DPP6: variants seen among roughly 807,000 people sequenced by gnomAD.
The protein encoded by DPP6 is dipeptidyl peptidase like 6, also known as A-type potassium channel modulatory protein DPP6.
A neutral mutation model predicts 122.6 loss-of-function variants in DPP6; 69 were observed. The ratio of observed to expected loss-of-function variants is 0.56; its 90% CI spans 0.46 to 0.69. The LOEUF (loss-of-function observed/expected upper bound fraction) is 0.69, where lower values mean the gene tolerates loss of function less well. DPP6 is among the 30% of genes least tolerant of loss of function. DPP6 has a pLI of 0.00. For synonymous variants in DPP6, 418 were observed against 433.1 expected, an observed-to-expected ratio of 0.97 and a Z score of 0.43; for missense variants, 928 against 1,116.9, an observed-to-expected ratio of 0.83 and a Z score of 2.41.
At chr7:154,606,071 T>C (rs982875011) in intron 5 of DPP6, among the ~76,000 whole-genome samples, 1 of 120,490 alleles carries the variant, frequency 8.3e-6, no homozygotes, top group African/African-American at 2.6e-5. Flanking sequence ...AATTTCTGTA[T>C]ATTTGAGACT....
chr7:153,773,899 A>G, the DPP6 span, among the ~76,000 whole-genome samples: 1 of 151,722 alleles, frequency 6.6e-6, no homozygotes, highest in Admixed American at 6.6e-5. Context: ...CAATAGAGAA[A>G]ATCAATTAAA....
chr7:154,128,433 G>A (rs1039103487), intron 1 of DPP6, among the ~76,000 whole-genome samples: 6 of 152,102 alleles, frequency 3.9e-5, no homozygotes, highest in African/African-American at 9.7e-5. Flanking sequence ...ACGGAGTCTC[G>A]CCCTATCACC....
chr7:154,581,210 G>A (rs529088536), intron 5 of DPP6, among the ~76,000 whole-genome samples: 102 of 152,274 alleles, frequency 6.7e-4, no homozygotes, highest in Non-Finnish European at 1.3e-3. Context: ...GGATACAAGC[G>A]AGGGTAGCAG....
At chr7:154,193,517 A>G (rs1356786058) in intron 1 of DPP6, among the ~76,000 whole-genome samples, 1 of 152,164 alleles carries the variant, frequency 6.6e-6, no homozygotes, top group Non-Finnish European at 1.5e-5. Context: ...ACGAATAAGC[A>G]GGTTGAATGG....
chr7:154,841,354 GTAGCCTTTGCCCCC>G lies in DPP6; in HGVS notation c.1667-12425_1667-12412del, dbSNP rs1277378419. Among the ~76,000 whole-genome samples, 90 of 143,136 alleles carry G rather than the reference GTAGCCTTTGCCCCC, an allele frequency of 6.3e-4. No individual in the cohort carries two copies. The South Asian group carries it at 9.2e-3, about 15-fold the overall frequency. 93.9% of individuals were successfully genotyped at this position (143,136 alleles called of 152,430 possible). A position where few individuals can be genotyped will look rare whatever the true frequency, so the allele number is the denominator to read the frequency against. ...GCCCCCCTGTAGCCTTTGCCCCCCT[GTAGCCTTTGCCCCC>G]CTGCAGGCTTGCCTCAGCGCACAAA... On this transcript the variant is annotated intron_variant, in intron 16 of 25. Transcript: ENST00000377770.
At chr7:153,958,485 T>G (rs554262359) in intron 1 of DPP6, among the ~76,000 whole-genome samples, 115 of 152,170 alleles carry the variant, frequency 7.6e-4, no homozygotes, top group African/African-American at 2.0e-3. Context: ...GAATGTAGAC[T>G]AACTAGGTGG....
intron 5 of DPP6, among the ~76,000 whole-genome samples, chr7:154,597,138 T>TGAGAGAGAGACACAGAGACA (rs955422819): frequency 1.4e-5 from 2 of 146,232 alleles, no homozygotes; most frequent in African/African-American, 5.2e-5. Context: ...TTGAGTACAG[T>TGAGAGAGAGACACAGAGACA]GAGAGAGAGA....
At chr7:153,930,064 C>G (rs544992117) in intron 1 of DPP6, among the ~76,000 whole-genome samples, 1 of 152,138 alleles carries the variant, frequency 6.6e-6, no homozygotes, top group East Asian at 1.9e-4. Context: ...TTTGGAAAAA[C>G]TAGCTTTGGA....
At chr7:153,869,146 G>C in the DPP6 span, among the ~76,000 whole-genome samples, 2 of 152,180 alleles carry the variant, frequency 1.3e-5, no homozygotes, top group Admixed American at 6.5e-5. Context: ...GGGGTGGAGA[G>C]TTCTGTAGAT....
chr7:153,947,534 A>G (rs1270060025), intron 1 of DPP6, among the ~76,000 whole-genome samples: 3 of 152,194 alleles, frequency 2.0e-5, no homozygotes, highest in African/African-American at 7.2e-5. Context: ...GATTTACTTA[A>G]TAAGTCCCAT....
intron 7 of DPP6, among the ~76,000 whole-genome samples, chr7:154,705,137 G>T (rs3778730): frequency 7.2e-5 from 11 of 152,072 alleles, no homozygotes; most frequent in Non-Finnish European, 1.0e-4. Flanking sequence ...AGGGGGAGAA[G>T]GGAGGGCATA....
intron 1 of DPP6, chr7:154,058,931 G>T (rs562439516): frequency 7.1e-6 from 1 of 141,496 alleles, no homozygotes; most frequent in African/African-American, 2.8e-5. Flanking sequence ...CTGGCTGTTA[G>T]TACCCCCATC....
At chr7:154,146,262 T>G (rs931560021) in intron 1 of DPP6, among the ~76,000 whole-genome samples, 1 of 102,562 alleles carries the variant, frequency 9.8e-6, no homozygotes, top group African/African-American at 3.1e-5. Flanking sequence ...CTCCTGACTT[T>G]GTGTCTCTGT....
At chr7:154,578,465 C>A (rs1473417836) in intron 5 of DPP6, among the ~76,000 whole-genome samples, 1 of 151,866 alleles carries the variant, frequency 6.6e-6, no homozygotes, top group Non-Finnish European at 1.5e-5. Flanking sequence ...TGGGTACCGT[C>A]CTGGCAGGCT....
intron 1 of DPP6, among the ~76,000 whole-genome samples, chr7:154,207,287 G>A (rs572297405): frequency 6.6e-6 from 1 of 152,308 alleles, no homozygotes; most frequent in South Asian, 2.1e-4. Context: ...ATTTGCAATT[G>A]TAATGCCGTT....
chr7:154,587,949 C>A (rs1311017046), intron 5 of DPP6: 1 of 1,612,926 alleles, frequency 6.2e-7, no homozygotes, highest in African/African-American at 1.3e-5. Context: ...GGCTTCGCAG[C>A]CATGCACCTG....
In DPP6 at chr7:154,821,271, C is replaced by T. The variant is rs777006907; in HGVS notation, c.1666+14159C>T. Among the ~76,000 whole-genome samples, 4 of 152,038 alleles carry T rather than the reference C, an allele frequency of 2.6e-5. No individual in the cohort carries two copies. Among genetic ancestry groups the T allele is most frequent in the Admixed American group, 6.6e-5 (1 of 15,262 alleles). The stretch of plus-strand genomic sequence containing the variant: ...ACATTTTTAATCTTTTTCCTGATGT[C>T]TTTTCTTTTTTCTTTTTACATTGTT... On this transcript the variant is annotated intron_variant, in intron 16 of 25. Transcript: ENST00000377770. The surrounding 1 kb of genome is among the most constrained non-coding windows in gnomAD (Gnocchi z 4.2).
Position 154,201,214 on chromosome 7 carries a change from G to A in DPP6, c.243+148151G>A, listed in dbSNP as rs572682889. ...GCGATCTCGGCTAACTGCAACCTCC[G>A]CCTCCTGGATTCAAGAAATTTTCCT... On this transcript the variant is annotated intron_variant, in intron 1 of 25. Coordinates refer to ENST00000377770, the MANE Select transcript of DPP6 (RefSeq NM_130797.4). 7.4e-5 allele frequency among the ~76,000 whole-genome samples: 11 copies of A among 148,958 alleles called. No homozygotes were observed. In the South Asian group the frequency reaches 2.3e-3, roughly 31 times the overall value.
At chr7:154,217,182 G>C (rs1800054876) in intron 1 of DPP6, among the ~76,000 whole-genome samples, 1 of 152,058 alleles carries the variant, frequency 6.6e-6, no homozygotes, top group African/African-American at 2.4e-5. Context: ...AGATAAAGGA[G>C]TTGAGTGGTC....
Sources: gnomAD v4.1 joint callset for allele counts (sites outside exome capture counted in the v4.1 genomes callset) on GRCh38, gnomAD v4.1.1 for gene constraint, Gnocchi (gnomAD v3.1) non-coding constraint, MANE v1.5 for transcripts, NCBI Gene and HGNC (gene_info 2026-07-23, HGNC 2026-07-21) for gene names.